The following PPFIBP1 variants were observed in gnomAD, a reference collection of about 807,000 sequenced individuals.
The protein encoded by PPFIBP1 is PPFIB scaffold protein 1, also known as liprin-beta-1.
PPFIBP1 carries 112 observed loss-of-function variants against 137.8 expected under a neutral mutation model. That is an observed-to-expected ratio of 0.81 (90% CI 0.70 to 0.95). The LOEUF is 0.95. Ranked by LOEUF, PPFIBP1 falls within the 40% of genes least tolerant of loss-of-function variation. The pLI, the probability that PPFIBP1 is intolerant of heterozygous loss-of-function variation, is 0.00. For missense variants in PPFIBP1, 1,083 were observed against 1,196.6 expected, an observed-to-expected ratio of 0.91 and a Z score of 1.40; for synonymous variants, 378 against 417.3, an observed-to-expected ratio of 0.91 and a Z score of 1.15.
chr12:27,633,835 C>CTTTTTTTTTTTTTTTTTTTTTTTTTTTTT (rs56705005), intron 3 of PPFIBP1, among the ~76,000 whole-genome samples: 1 of 113,014 alleles, frequency 8.8e-6, no homozygotes, highest in Non-Finnish European at 1.8e-5. Context: ...ACTCCCGTAT[C>CTTTTTTTTTTTTTTTTTTTTTTTTTTTTT]TTTTTTTTTT....
At chr12:27,530,259 A>C (rs1161165012) in intron 1 of PPFIBP1, among the ~76,000 whole-genome samples, 1 of 152,242 alleles carries the variant, frequency 6.6e-6, no homozygotes, top group Non-Finnish European at 1.5e-5. Flanking sequence ...GAAGAGTCGA[A>C]TGAACCTGTG....
chr12:27,618,261 G>A (rs1007696471), intron 2 of PPFIBP1, among the ~76,000 whole-genome samples: 2 of 152,152 alleles, frequency 1.3e-5, no homozygotes. Context: ...CACCTGAATG[G>A]ACCCCTCCTC....
chr12:27,620,755 TG>T (rs1472491802), intron 2 of PPFIBP1, among the ~76,000 whole-genome samples: 1 of 152,084 alleles, frequency 6.6e-6, no homozygotes, highest in African/African-American at 2.4e-5. Context: ...AAGGATTAAT[TG>T]AATTGATATA....
At chr12:27,578,553 C>T (rs2050766579) in intron 2 of PPFIBP1, among the ~76,000 whole-genome samples, 1 of 152,144 alleles carries the variant, frequency 6.6e-6, no homozygotes, top group Non-Finnish European at 1.5e-5. Flanking sequence ...TTCTCGAGTC[C>T]TTCATCACTC....
Position 27,688,025 on chromosome 12 carries a change from G to T in PPFIBP1, c.2371-273G>T, listed in dbSNP as rs535296985. ...CGTCTGAGCCTGGGAGATGGAGGCT[G>T]CAGTGAGCCCTGATTATACCACTGC... On this transcript the variant is annotated intron_variant, in intron 25 of 29. Transcript: ENST00000228425. Among the ~76,000 whole-genome samples the T allele has an allele frequency of 5.9e-4, 90 of 152,058 alleles. No homozygotes were observed. The Middle Eastern group carries it at 0.021, about 35-fold the overall frequency.
intron 2 of PPFIBP1, among the ~76,000 whole-genome samples, chr12:27,600,856 CATGTT>C (rs1241457567): frequency 6.6e-6 from 1 of 151,998 alleles, no homozygotes; most frequent in African/African-American, 2.4e-5. Context: ...TTTTAATTGA[CATGTT>C]TGTTTATGGG....
At position 27,559,447 on chromosome 12, in the gene PPFIBP1, G is replaced by A. The variant is rs113230916; in HGVS notation, c.-123-18705G>A. ...CTCCCAAAGTGCTGGGATTACAGGC[G>A]TGAGCCACCGTGCCCGACCCATAAT... On this transcript the variant is annotated intron_variant, in intron 1 of 29. Transcript: ENST00000228425. Among the ~76,000 whole-genome samples the A allele has an allele frequency of 4.6e-3, 693 of 152,288 alleles. 6 individuals carry two copies. Among genetic ancestry groups the A allele is most frequent in the African/African-American group, 0.016 (658 of 41,552 alleles).
chr12:27,624,123 G>A (rs1360020419), intron 2 of PPFIBP1, among the ~76,000 whole-genome samples: 1 of 152,120 alleles, frequency 6.6e-6, no homozygotes, highest in African/African-American at 2.4e-5. Flanking sequence ...TGGCACAGAG[G>A]TGAGAGGGCA....
rs2051892569 is a variant in PPFIBP1, at chr12:27,587,382, G to A, written c.-36+9143G>A. 2.0e-5 allele frequency among the ~76,000 whole-genome samples: 3 copies of A among 152,214 alleles called. No homozygotes were observed. In the East Asian group the frequency reaches 5.8e-4, roughly 29 times the overall value. ...CACGTCTGTAATCCCAGCACTTTGG[G>A]AGGCCGAGGCGGGCGGATCACGGAG... On this transcript the variant is annotated intron_variant, in intron 2 of 29. Transcript: ENST00000228425.
intron 2 of PPFIBP1, among the ~76,000 whole-genome samples, chr12:27,625,686 T>C (rs2138725556): frequency 6.6e-6 from 1 of 151,252 alleles, no homozygotes; most frequent in Admixed American, 6.6e-5. Context: ...CAGGTTCAAG[T>C]GATTCTCCTG....
chr12:27,536,541 C>G (rs1945028593), intron 1 of PPFIBP1, among the ~76,000 whole-genome samples: 1 of 152,098 alleles, frequency 6.6e-6, no homozygotes, highest in Non-Finnish European at 1.5e-5. Context: ...ACGAATTGAG[C>G]AAGATTCACC....
In PPFIBP1 at chr12:27,688,434, G is replaced by A. The variant is rs112238311; in HGVS notation, c.2496+11G>A. 384 of 1,610,612 alleles carry A rather than the reference G, an allele frequency of 2.4e-4. 4 individuals are homozygous for A. The African/African-American group carries it at 4.4e-3, about 19-fold the overall frequency. ...CATGGTGGGCTCATGGTAAAGCTCTGATTTAATTTAAAATTGACTTACTTT... is the reference window on the plus strand; with the variant it reads ...CATGGTGGGCTCATGGTAAAGCTCTAATTTAATTTAAAATTGACTTACTTT... On this transcript the variant is annotated intron_variant, in intron 26 of 29. Coordinates refer to ENST00000228425, the MANE Select transcript of PPFIBP1 (RefSeq NM_003622.4).
chr12:27,571,885 T>C (rs2050179590), intron 1 of PPFIBP1, among the ~76,000 whole-genome samples: 1 of 152,232 alleles, frequency 6.6e-6, no homozygotes, highest in Non-Finnish European at 1.5e-5. Context: ...TTCTTAGGTA[T>C]GGGTGCCTGA....
chr12:27,545,361 T>G (rs1946123124), intron 1 of PPFIBP1, among the ~76,000 whole-genome samples: 1 of 152,170 alleles, frequency 6.6e-6, no homozygotes, highest in Admixed American at 6.5e-5. Context: ...TCTGCACGTG[T>G]ATCCCAGAAC....
chr12:27,592,789 T>A, intron 2 of PPFIBP1: 1 of 720,836 alleles, frequency 1.4e-6, no homozygotes, highest in Non-Finnish European at 2.4e-6. Flanking sequence ...GGCGTAACCA[T>A]GACAGCAGCC....
intron 1 of PPFIBP1, among the ~76,000 whole-genome samples, chr12:27,535,445 A>G (rs1337070202): frequency 6.6e-6 from 1 of 152,052 alleles, no homozygotes; most frequent in Non-Finnish European, 1.5e-5. Context: ...ACAGGATCTC[A>G]CTCTGTCACC....
intron 1 of PPFIBP1, among the ~76,000 whole-genome samples, chr12:27,550,902 T>C (rs1946695654): frequency 6.6e-6 from 1 of 151,678 alleles, no homozygotes; most frequent in Admixed American, 6.6e-5. Context: ...ATAATAATAA[T>C]AATGGTTGGT....
intron 1 of PPFIBP1, among the ~76,000 whole-genome samples, chr12:27,528,633 T>C (rs375696721): frequency 6.6e-6 from 1 of 152,206 alleles, no homozygotes; most frequent in Non-Finnish European, 1.5e-5. Context: ...TGATGCTCAA[T>C]TGGTGTTCAG....
At chr12:27,533,844 A>T (rs1258136568) in intron 1 of PPFIBP1, among the ~76,000 whole-genome samples, 1 of 152,212 alleles carries the variant, frequency 6.6e-6, no homozygotes, top group Non-Finnish European at 1.5e-5. Flanking sequence ...ATAGAGCAGG[A>T]TCTGCAGAGA....
Sources: allele counts gnomAD v4.1 joint callset (sites outside exome capture counted in the v4.1 genomes callset), GRCh38; gene constraint gnomAD v4.1.1; transcripts MANE v1.5; gene names NCBI Gene and HGNC (gene_info 2026-07-23, HGNC 2026-07-21).